ARID5B: variants seen among roughly 807,000 people sequenced by gnomAD.
The protein encoded by ARID5B is AT-rich interactive domain-containing protein 5B.
A neutral mutation model predicts 97.2 loss-of-function variants in ARID5B; 13 were observed. The observed-to-expected ratio is 0.13, with a 90% CI of 0.09 to 0.21. ARID5B has a LOEUF of 0.21. Among genes scored for constraint, ARID5B ranks in the 10% least tolerant of loss-of-function variants. The probability of loss-of-function intolerance (pLI) is 1.00; values close to 1 mark genes in which losing one functional copy is unlikely to be tolerated. For synonymous variants in ARID5B, 556 were observed against 570.3 expected (o/e 0.97, Z 0.36); for missense variants, 1,210 against 1,465.3 (o/e 0.83, Z 2.84).
chr10:62,072,738 T>C (rs1422789193), intron 8 of ARID5B, among the ~76,000 whole-genome samples: 1 of 152,254 alleles, frequency 6.6e-6, no homozygotes, highest in Non-Finnish European at 1.5e-5. Flanking sequence ...AGATCATTGA[T>C]TTTATTTACA....
chr10:61,963,684 G>T lies in ARID5B; in HGVS notation c.502+23276G>T, dbSNP rs188676594. ...GCTCCATGGAAAATGATACATGAGG[G>T]TGTTAGTGGGAGGTTGAGAACTGCT... is the stretch of plus-strand genomic sequence containing the variant. On this transcript the variant is annotated intron_variant, in intron 3 of 9. Coordinates refer to ENST00000279873, the MANE Select transcript of ARID5B (RefSeq NM_032199.3). Among the ~76,000 whole-genome samples, 493 of 152,050 alleles carry T rather than the reference G, an allele frequency of 3.2e-3. 5 individuals carry two copies. Among genetic ancestry groups the T allele is most frequent in the Non-Finnish European group, 4.9e-3 (332 of 67,976 alleles).
At chr10:62,067,090 C>CT (rs58181996) in intron 7 of ARID5B, among the ~76,000 whole-genome samples, 855 of 145,136 alleles carry the variant, frequency 5.9e-3, no homozygotes, top group Admixed American at 9.2e-3. Flanking sequence ...TATAGAACTT[C>CT]TTTTTTTTTT....
chr10:61,938,733 A>T (rs1326219616), intron 2 of ARID5B, among the ~76,000 whole-genome samples: 1 of 152,154 alleles, frequency 6.6e-6, no homozygotes, highest in South Asian at 2.1e-4. Flanking sequence ...TTTAATCATG[A>T]TAAGGGAAAG....
At chr10:62,052,029 T>G (rs1839797212) in intron 5 of ARID5B, among the ~76,000 whole-genome samples, 1 of 152,192 alleles carries the variant, frequency 6.6e-6, no homozygotes, top group South Asian at 2.1e-4. Flanking sequence ...ACTTTCACAT[T>G]CTAAAAAATC....
chr10:61,949,656 C>G (rs1444275256), intron 3 of ARID5B, among the ~76,000 whole-genome samples: 1 of 151,906 alleles, frequency 6.6e-6, no homozygotes, highest in Non-Finnish European at 1.5e-5. Context: ...CCCCACGCCC[C>G]CACAAAAAAA....
At chr10:61,998,757 G>A (rs1235121524) in intron 3 of ARID5B, among the ~76,000 whole-genome samples, 1 of 152,172 alleles carries the variant, frequency 6.6e-6, no homozygotes, top group Non-Finnish European at 1.5e-5. Context: ...AGATGGATTT[G>A]AGGAACGTTA....
At chr10:61,910,646 TCA>T (rs1249657569) in intron 2 of ARID5B, among the ~76,000 whole-genome samples, 4 of 152,210 alleles carry the variant, frequency 2.6e-5, no homozygotes, top group Admixed American at 2.6e-4. Context: ...ACTATGAGCA[TCA>T]GTATCGACAA....
intron 3 of ARID5B, among the ~76,000 whole-genome samples, chr10:61,963,353 GC>G (rs1241272209): frequency 1.3e-5 from 2 of 152,058 alleles, no homozygotes; most frequent in African/African-American, 4.8e-5. Flanking sequence ...ATCATGCTTA[GC>G]CCTGGACTTT....
chr10:61,935,475 T>C (rs1007525431), intron 2 of ARID5B, among the ~76,000 whole-genome samples: 1 of 151,944 alleles, frequency 6.6e-6, no homozygotes, highest in Non-Finnish European at 1.5e-5. Context: ...GCCTCAAAGA[T>C]TTTGTACTGT....
At chr10:61,963,834 C>T (rs1232635026) in intron 3 of ARID5B, among the ~76,000 whole-genome samples, 2 of 151,848 alleles carry the variant, frequency 1.3e-5, no homozygotes, top group East Asian at 3.9e-4. Context: ...GTGTTCAAGG[C>T]ACCGGGGAAG....
chr10:62,032,714 C>A (rs558919549), intron 4 of ARID5B, among the ~76,000 whole-genome samples: 31 of 152,008 alleles, frequency 2.0e-4, no homozygotes, highest in Non-Finnish European at 3.4e-4. Flanking sequence ...GACTCCATCT[C>A]GGAAAATAAA....
At chr10:61,956,268 C>T (rs1257624725) in intron 3 of ARID5B, among the ~76,000 whole-genome samples, 1 of 152,160 alleles carries the variant, frequency 6.6e-6, no homozygotes, top group African/African-American at 2.4e-5. Flanking sequence ...CTATTGTGAA[C>T]TGTGCATGCA....
chr10:61,940,693 C>A (rs1844384012), intron 3 of ARID5B, among the ~76,000 whole-genome samples: 1 of 151,142 alleles, frequency 6.6e-6, no homozygotes, highest in African/African-American at 2.4e-5. Flanking sequence ...AATTAGAGCA[C>A]CTAAAATTGA....
chr10:61,959,447 C>T (rs1349394613), intron 3 of ARID5B, among the ~76,000 whole-genome samples: 1 of 152,090 alleles, frequency 6.6e-6, no homozygotes, highest in African/African-American at 2.4e-5. Flanking sequence ...TCCCCCACCC[C>T]ACCTTCAAAA....
In ARID5B at chr10:62,007,177, T is replaced by C. The variant is rs559426075; in HGVS notation, c.733+6856T>C. Reference sequence around the variant, plus strand: ...TGGAGAGAGATTCAGAATAAGTCTATGTTCGCTTGACTTAAGCAGCCTCCT... The same window carrying C: ...TGGAGAGAGATTCAGAATAAGTCTACGTTCGCTTGACTTAAGCAGCCTCCT... On this transcript the variant is annotated intron_variant, in intron 4 of 9. Coordinates refer to ENST00000279873, the MANE Select transcript of ARID5B (RefSeq NM_032199.3). Among the ~76,000 whole-genome samples the C allele has an allele frequency of 7.2e-5, 11 of 152,326 alleles. No individual in the cohort carries two copies. The South Asian group carries it at 1.4e-3, about 20-fold the overall frequency.
chr10:61,980,052 C>T (rs1355401641), intron 3 of ARID5B, among the ~76,000 whole-genome samples: 1 of 151,724 alleles, frequency 6.6e-6, no homozygotes, highest in African/African-American at 2.4e-5. Context: ...AGGATCATGC[C>T]ATTGCATTCC....
chr10:62,053,985 A>G (rs16916931), intron 5 of ARID5B, among the ~76,000 whole-genome samples: 1 of 152,010 alleles, frequency 6.6e-6, no homozygotes, highest in Non-Finnish European at 1.5e-5. Context: ...GGTTCAGCAC[A>G]TCTTACTGCC....
intron 3 of ARID5B, among the ~76,000 whole-genome samples, chr10:61,952,068 T>C (rs1160232175): frequency 6.6e-6 from 1 of 152,210 alleles, no homozygotes; most frequent in African/African-American, 2.4e-5. Context: ...TGGTTCAAAG[T>C]GCACACAGAA....
chr10:61,969,622 T>C (rs777896602), intron 3 of ARID5B, among the ~76,000 whole-genome samples: 15 of 152,142 alleles, frequency 9.9e-5, no homozygotes, highest in African/African-American at 1.4e-4. Flanking sequence ...TTTCAAGTCA[T>C]TGACATTCTC....
Sources: allele counts gnomAD v4.1 joint callset (sites outside exome capture counted in the v4.1 genomes callset), GRCh38; gene constraint gnomAD v4.1.1; transcripts MANE v1.5; gene names NCBI Gene and HGNC (gene_info 2026-07-23, HGNC 2026-07-21).